Variants in SLC2A13 observed in about 807,000 individuals in gnomAD.
SLC2A13 encodes the protein solute carrier family 2 member 13, also known as proton myo-inositol cotransporter.
In SLC2A13, 32 loss-of-function variants were observed where a neutral mutation model predicts 64.4. That is an observed-to-expected ratio of 0.50 (90% CI 0.37 to 0.67). The LOEUF is 0.67. Among genes scored for constraint, SLC2A13 ranks in the 30% least tolerant of loss-of-function variants. SLC2A13 has a pLI of 0.00. For synonymous variants in SLC2A13, 338 were observed against 327.1 expected, an observed-to-expected ratio of 1.03 and a Z score of -0.36; for missense variants, 743 against 829.2, an observed-to-expected ratio of 0.90 and a Z score of 1.28.
At chr12:39,848,902 T>A (rs1336216447) in intron 6 of SLC2A13, among the ~76,000 whole-genome samples, 1 of 152,196 alleles carries the variant, frequency 6.6e-6, no homozygotes, top group African/African-American at 2.4e-5. Flanking sequence ...GCTATCATCC[T>A]TAGCAAACTA....
chr12:40,057,757 G>A (rs1373240570), intron 1 of SLC2A13, among the ~76,000 whole-genome samples: 1 of 152,064 alleles, frequency 6.6e-6, no homozygotes, highest in Non-Finnish European at 1.5e-5. Context: ...GGAACACTAT[G>A]CCTGAATAAT....
chr12:39,833,146 A>T (rs1456988058), intron 6 of SLC2A13, among the ~76,000 whole-genome samples: 3 of 152,130 alleles, frequency 2.0e-5, no homozygotes, highest in African/African-American at 7.2e-5. Context: ...TCTGTAAAAA[A>T]GGTTTACAGA....
chr12:40,027,310 A>C (rs1165178795), intron 3 of SLC2A13, among the ~76,000 whole-genome samples: 1 of 152,202 alleles, frequency 6.6e-6, no homozygotes, highest in Non-Finnish European at 1.5e-5. Flanking sequence ...TGATGCTCAA[A>C]AAGCGTTAAA....
intron 3 of SLC2A13, among the ~76,000 whole-genome samples, chr12:39,971,283 T>C (rs1293944001): frequency 6.6e-6 from 1 of 152,204 alleles, no homozygotes; most frequent in Non-Finnish European, 1.5e-5. Flanking sequence ...TATGCAACTG[T>C]TTATTCCCAT....
At chr12:39,898,505 C>A (rs1282513081) in intron 4 of SLC2A13, among the ~76,000 whole-genome samples, 1 of 152,086 alleles carries the variant, frequency 6.6e-6, no homozygotes, top group Non-Finnish European at 1.5e-5. Flanking sequence ...ACGCTTTTCC[C>A]CCCTCTATCA....
In SLC2A13 at chr12:39,968,190, G is replaced by A. The variant is rs1946558859; in HGVS notation, c.926-16825C>T. 1.3e-5 allele frequency among the ~76,000 whole-genome samples: 2 copies of A among 152,186 alleles called. 1 individual carries two copies. The highest frequency in any genetic ancestry group is 4.1e-4 in the South Asian group (2 of 4,826). On this transcript the variant is annotated intron_variant, in intron 3 of 9. Coordinates refer to ENST00000280871, the MANE Select transcript of SLC2A13 (RefSeq NM_052885.4). ...GGAAACTTACAATCATGGCAGAAGGGAAAGCAAACATGTCCTTCTTAACAT... is the reference window on the plus strand; with the variant it reads ...GGAAACTTACAATCATGGCAGAAGGAAAAGCAAACATGTCCTTCTTAACAT...
Position 40,053,650 on chromosome 12 carries a change from C to T in SLC2A13, c.557-5440G>A, listed in dbSNP as rs143102558. On this transcript the variant is annotated intron_variant, in intron 1 of 9. Coordinates refer to ENST00000280871, the MANE Select transcript of SLC2A13 (RefSeq NM_052885.4). ...TGCCACCAGACATCATGTTAAAGAG[C>T]TTGGAACAATTAGTAAGAAAAATGA... 3.4e-3 allele frequency among the ~76,000 whole-genome samples: 514 copies of T among 152,236 alleles called. 3 individuals are homozygous for T. The highest frequency in any genetic ancestry group is 0.012 in the African/African-American group (484 of 41,546).
intron 7 of SLC2A13, among the ~76,000 whole-genome samples, chr12:39,812,362 CTTTTCTTTTCTTTTCT>C (rs1460206345): frequency 2.7e-5 from 4 of 145,768 alleles, no homozygotes; most frequent in Non-Finnish European, 4.5e-5. Flanking sequence ...CTTTTCTTTT[CTTTTCTTTTCTTTTCT>C]TTTCTTTCTT....
At chr12:40,076,473 T>A (rs1938179407) in intron 1 of SLC2A13, among the ~76,000 whole-genome samples, 1 of 152,190 alleles carries the variant, frequency 6.6e-6, no homozygotes, top group African/African-American at 2.4e-5. Context: ...TCCATGTTGC[T>A]GGAAAGGACA....
intron 4 of SLC2A13, among the ~76,000 whole-genome samples, chr12:39,918,178 A>G (rs1300571727): frequency 6.6e-6 from 1 of 152,100 alleles, no homozygotes; most frequent in Non-Finnish European, 1.5e-5. Context: ...TATCCAGGGC[A>G]TAGGGATGTT....
At chr12:39,901,197 G>T (rs1053594880) in intron 4 of SLC2A13, among the ~76,000 whole-genome samples, 2 of 152,040 alleles carry the variant, frequency 1.3e-5, no homozygotes, top group African/African-American at 4.8e-5. Flanking sequence ...AATTCAAGAT[G>T]GATTAAAGAC....
chr12:39,882,589 T>TC (rs1432840301), intron 4 of SLC2A13, among the ~76,000 whole-genome samples: 1 of 152,212 alleles, frequency 6.6e-6, no homozygotes, highest in Non-Finnish European at 1.5e-5. Context: ...TTCCCTTCTT[T>TC]CCACTATCCC....
At chr12:39,853,664 C>A (rs928677221) in intron 6 of SLC2A13, among the ~76,000 whole-genome samples, 3 of 149,680 alleles carry the variant, frequency 2.0e-5, no homozygotes, top group African/African-American at 7.4e-5. Context: ...AGTCAGACTG[C>A]TACAGCCTGG....
chr12:40,075,574 T>C (rs919257661), intron 1 of SLC2A13, among the ~76,000 whole-genome samples: 42 of 152,328 alleles, frequency 2.8e-4, no homozygotes, highest in African/African-American at 9.6e-4. Flanking sequence ...TATCTGGGCA[T>C]GGCTTTCTTT....
intron 7 of SLC2A13, among the ~76,000 whole-genome samples, chr12:39,767,181 T>C (rs1592116228): frequency 6.6e-6 from 1 of 152,064 alleles, no homozygotes. Flanking sequence ...CCTTGATCCA[T>C]GGGCTGCAGA....
chr12:39,838,370 T>A (rs1402191575), intron 6 of SLC2A13, among the ~76,000 whole-genome samples: 1 of 136,052 alleles, frequency 7.4e-6, no homozygotes, highest in African/African-American at 2.8e-5. Context: ...AGGGATAGCA[T>A]TGGGAGATAT....
chr12:39,967,138 TAA>T lies in SLC2A13; in HGVS notation c.926-15775_926-15774del, dbSNP rs113713237. 2.2e-3 allele frequency among the ~76,000 whole-genome samples: 334 copies of T among 152,308 alleles called. 3 individuals carry two copies. Among genetic ancestry groups the T allele is most frequent in the African/African-American group, 7.5e-3 (310 of 41,572 alleles). On this transcript the variant is annotated intron_variant, in intron 3 of 9. Transcript: ENST00000280871. Reference sequence around the variant, plus strand: ...TGATCCAGCTACTTTTTCTGAATGCTAAGTCTTATTTTGTCTTTTAAAAATGC... The same window carrying T: ...TGATCCAGCTACTTTTTCTGAATGCTGTCTTATTTTGTCTTTTAAAAATGC...
At chr12:39,799,754 C>G (rs775040261) in intron 7 of SLC2A13, among the ~76,000 whole-genome samples, 1 of 152,154 alleles carries the variant, frequency 6.6e-6, no homozygotes, top group Non-Finnish European at 1.5e-5. Context: ...TATACAAGAA[C>G]GTGTTTTGAG....
intron 4 of SLC2A13, among the ~76,000 whole-genome samples, chr12:39,917,567 A>G (rs1474654152): frequency 4.6e-5 from 7 of 152,100 alleles, no homozygotes; most frequent in Non-Finnish European, 1.0e-4. Flanking sequence ...CCTTAACAGA[A>G]CAAAAGGTGA....
Sources: gnomAD v4.1 joint callset for allele counts (sites outside exome capture counted in the v4.1 genomes callset) on GRCh38, gnomAD v4.1.1 for gene constraint, MANE v1.5 for transcripts, NCBI Gene and HGNC (gene_info 2026-07-23, HGNC 2026-07-21) for gene names.